The following OXR1 variants were observed in gnomAD, a reference collection of about 807,000 sequenced individuals.
The protein encoded by OXR1 is oxidation resistance 1.
Under a neutral mutation model 104.6 loss-of-function variants are expected in OXR1, and 41 were observed. That is an observed-to-expected ratio of 0.39 (90% CI 0.31 to 0.51). The LOEUF is 0.51. Ranked by LOEUF, OXR1 falls within the 20% of genes least tolerant of loss-of-function variation. The pLI is 0.77. For synonymous variants in OXR1, 348 were observed against 348.4 expected, an observed-to-expected ratio of 1.00 and a Z score of 0.01; for missense variants, 955 against 1,031.9, an observed-to-expected ratio of 0.93 and a Z score of 1.02.
At chr8:106,477,883 A>T (rs558680545) in intron 2 of OXR1, among the ~76,000 whole-genome samples, 1 of 152,068 alleles carries the variant, frequency 6.6e-6, no homozygotes, top group Admixed American at 6.6e-5. Flanking sequence ...GTGATAATTC[A>T]TGTGAAACTT....
At chr8:106,467,694 A>C (rs560601213) in intron 2 of OXR1, among the ~76,000 whole-genome samples, 1 of 152,014 alleles carries the variant, frequency 6.6e-6, no homozygotes, top group East Asian at 1.9e-4. Flanking sequence ...GGGAAAGAAA[A>C]GCCAAGGCCT....
intron 1 of OXR1, among the ~76,000 whole-genome samples, chr8:106,318,217 A>G (rs1042509571): frequency 2.0e-5 from 3 of 152,022 alleles, no homozygotes; most frequent in East Asian, 3.8e-4. Flanking sequence ...AAAAATGAAG[A>G]GCCAAAAGTT....
chr8:106,282,387 A>G (rs1812325258), intron 1 of OXR1, among the ~76,000 whole-genome samples: 2 of 152,128 alleles, frequency 1.3e-5, no homozygotes, highest in Non-Finnish European at 2.9e-5. Flanking sequence ...TGATTATTAG[A>G]CCTGCTGTTA....
At chr8:106,527,500 T>C (rs1350167742) in intron 3 of OXR1, among the ~76,000 whole-genome samples, 1 of 152,156 alleles carries the variant, frequency 6.6e-6, no homozygotes, top group Non-Finnish European at 1.5e-5. Context: ...CTAAAAACTC[T>C]TTGTGGTTTC....
intron 3 of OXR1, among the ~76,000 whole-genome samples, chr8:106,666,283 G>C (rs1826320370): frequency 1.3e-5 from 2 of 152,146 alleles, no homozygotes; most frequent in African/African-American, 4.8e-5. Context: ...TTTTTGAGGT[G>C]ATGAAAATGG....
chr8:106,600,497 C>A (rs1186720580), intron 3 of OXR1, among the ~76,000 whole-genome samples: 2 of 152,098 alleles, frequency 1.3e-5, no homozygotes, highest in Non-Finnish European at 2.9e-5. Flanking sequence ...AAGTCCTTTG[C>A]CAATCATATT....
intron 1 of OXR1, among the ~76,000 whole-genome samples, chr8:106,346,523 T>C (rs548116763): frequency 6.6e-6 from 1 of 152,278 alleles, no homozygotes; most frequent in South Asian, 2.1e-4. Context: ...TTTCATTTAA[T>C]AAAATAAATG....
At chr8:106,296,909 A>T (rs191645156) in intron 1 of OXR1, among the ~76,000 whole-genome samples, 4 of 152,350 alleles carry the variant, frequency 2.6e-5, no homozygotes, top group Middle Eastern at 3.4e-3. Flanking sequence ...TTGGTAACAG[A>T]TGCTGTATGA....
rs897828991 is a variant in OXR1, at chr8:106,329,325, C to T, written c.-138-30151C>T. The stretch of plus-strand genomic sequence containing the variant: ...TTGAAATACAAGGTTAATCATGCTG[C>T]TCATCTGTGTAATACTCATTGACAC... On this transcript the variant is annotated intron_variant, in intron 1 of 16. Transcript: ENST00000517566. 4.6e-5 allele frequency among the ~76,000 whole-genome samples: 7 copies of T among 150,562 alleles called. No homozygotes were observed. In the South Asian group the frequency reaches 8.4e-4, roughly 18 times the overall value.
chr8:106,496,694 G>T (rs1048679684), intron 2 of OXR1, among the ~76,000 whole-genome samples: 2 of 152,208 alleles, frequency 1.3e-5, no homozygotes, highest in African/African-American at 4.8e-5. Context: ...GGGCCTGGAA[G>T]CCAGGGAGCT....
intron 3 of OXR1, among the ~76,000 whole-genome samples, chr8:106,589,624 GGAACTA>G (rs1818923513): frequency 6.6e-6 from 1 of 152,078 alleles, no homozygotes; most frequent in African/African-American, 2.4e-5. Context: ...ATTTTTCCTT[GGAACTA>G]GACTGTGATG....
intron 7 of OXR1, among the ~76,000 whole-genome samples, chr8:106,695,407 T>C (rs28808577): frequency 6.6e-6 from 1 of 151,480 alleles, no homozygotes; most frequent in Non-Finnish European, 1.5e-5. Flanking sequence ...ATCATGTTTA[T>C]GTATATTTTC....
chr8:106,699,489 G>C (rs560070169), intron 7 of OXR1, among the ~76,000 whole-genome samples: 50 of 152,180 alleles, frequency 3.3e-4, no homozygotes, highest in African/African-American at 1.2e-3. Context: ...CCTTATTCAG[G>C]TATCATTGCC....
intron 2 of OXR1, among the ~76,000 whole-genome samples, chr8:106,371,355 A>G (rs913596713): frequency 1.3e-5 from 2 of 149,866 alleles, no homozygotes; most frequent in African/African-American, 4.9e-5. Flanking sequence ...CAGCTTCTGG[A>G]TTCATTGATT....
intron 7 of OXR1, among the ~76,000 whole-genome samples, chr8:106,695,421 T>C (rs1587128003): frequency 6.6e-6 from 1 of 151,528 alleles, no homozygotes; most frequent in South Asian, 2.1e-4. Flanking sequence ...TATTTTCTTT[T>C]TTTTTTTTTT....
chr8:106,717,347 T>C (rs1250634111), intron 11 of OXR1, among the ~76,000 whole-genome samples: 1 of 152,158 alleles, frequency 6.6e-6, no homozygotes, highest in African/African-American at 2.4e-5. Flanking sequence ...GCCGTGATGT[T>C]TTTTATTTTT....
At chr8:106,287,414 T>A in intron 1 of OXR1, among the ~76,000 whole-genome samples, 1 of 152,140 alleles carries the variant, frequency 6.6e-6, no homozygotes, top group East Asian at 1.9e-4. Flanking sequence ...GAAGAGATAA[T>A]CTGCATATTA....
At chr8:106,659,331 T>C (rs1205109145) in intron 3 of OXR1, among the ~76,000 whole-genome samples, 2 of 152,250 alleles carry the variant, frequency 1.3e-5, no homozygotes, top group African/African-American at 4.8e-5. Context: ...TAATTTAAGC[T>C]TTGAAGAAAT....
intron 3 of OXR1, among the ~76,000 whole-genome samples, chr8:106,599,102 AT>A (rs1819747845): frequency 2.0e-5 from 3 of 152,206 alleles, no homozygotes; most frequent in African/African-American, 7.2e-5. Flanking sequence ...GCCTCATTTC[AT>A]TTAAGGAGCC....
Sources: gnomAD v4.1 joint callset for allele counts (sites outside exome capture counted in the v4.1 genomes callset) on GRCh38, gnomAD v4.1.1 for gene constraint, MANE v1.5 for transcripts, NCBI Gene and HGNC (gene_info 2026-07-23, HGNC 2026-07-21) for gene names.